Variants in PCAT7 observed in about 807,000 individuals in gnomAD.
The protein encoded by PCAT7 is prostate cancer associated transcript 7.
At chr9:94,556,202 G>C (rs1827010471) in intron 1 of PCAT7, among the ~76,000 whole-genome samples, 1 of 150,954 alleles carries the variant, frequency 6.6e-6, no homozygotes, top group South Asian at 2.1e-4. Context: ...TTTGGGAAAA[G>C]ACGGGGGAAA....
At chr9:94,565,364 A>C (rs9657694) in intron 2 of PCAT7, among the ~76,000 whole-genome samples, 17 of 117,118 alleles carry the variant, frequency 1.5e-4, no homozygotes, top group Non-Finnish European at 2.6e-4. Flanking sequence ...GCAAGACTCC[A>C]CCTCAAAAAA....
intron 2 of PCAT7, among the ~76,000 whole-genome samples, chr9:94,560,176 C>T (rs913058594): frequency 1.3e-5 from 2 of 152,092 alleles, no homozygotes; most frequent in African/African-American, 4.8e-5. Flanking sequence ...ACGAGGGGTC[C>T]CAGCCGAGGG....
chr9:94,564,842 A>G (rs985358612), intron 2 of PCAT7, among the ~76,000 whole-genome samples: 1 of 152,220 alleles, frequency 6.6e-6, no homozygotes. Flanking sequence ...TTACACCTGC[A>G]TCATAGGAAT....
chr9:94,567,561 T>G (rs1049130528), intron 2 of PCAT7: 4 of 794,578 alleles, frequency 5.0e-6, no homozygotes, highest in Non-Finnish European at 8.0e-6. Flanking sequence ...GGTGTTTTCA[T>G]GAGTGGTGGG....
intron 1 of PCAT7, among the ~76,000 whole-genome samples, chr9:94,556,045 G>C (rs1447731684): frequency 6.6e-6 from 1 of 151,282 alleles, no homozygotes; most frequent in Non-Finnish European, 1.5e-5. Context: ...AAAAGGCTTT[G>C]AGAAAAGATG....
At chr9:94,560,619 A>G (rs1039399742) in intron 2 of PCAT7, among the ~76,000 whole-genome samples, 2 of 151,606 alleles carry the variant, frequency 1.3e-5, no homozygotes, top group Non-Finnish European at 1.5e-5. Flanking sequence ...CTTTTCTTCC[A>G]GTCCGTTTTG....
intron 2 of PCAT7, chr9:94,568,823 G>C (rs1164728892): frequency 1.3e-5 from 2 of 151,992 alleles, no homozygotes; most frequent in African/African-American, 2.4e-5. Context: ...AAATGATTAA[G>C]GTAACTAGTC....
chr9:94,559,050 A>G (rs1564177739), exon 2 of PCAT7: 1 of 1,614,152 alleles, frequency 6.2e-7, no homozygotes, highest in Admixed American at 1.7e-5. Flanking sequence ...CACGTCCAGT[A>G]CAGGCTGGGT....
At chr9:94,567,808 C>T (rs1313821158) in intron 2 of PCAT7, 5 of 176,640 alleles carry the variant, frequency 2.8e-5, no homozygotes, top group East Asian at 1.4e-4. Flanking sequence ...GTTACATTGT[C>T]GTATGAGGGA....
intron 2 of PCAT7, among the ~76,000 whole-genome samples, chr9:94,564,177 T>C (rs1363428337): frequency 1.3e-5 from 2 of 152,162 alleles, no homozygotes; most frequent in East Asian, 1.9e-4. Context: ...CAGAAAAATA[T>C]ACATTCTTCT....
chr9:94,565,746 ATAG>A (rs1827177691), intron 2 of PCAT7, among the ~76,000 whole-genome samples: 1 of 137,458 alleles, frequency 7.3e-6, no homozygotes, highest in African/African-American at 2.7e-5. Context: ...TGATAGATAG[ATAG>A]ATAGAAAATA....
chr9:94,557,541 G>A (rs1377009336), intron 1 of PCAT7, among the ~76,000 whole-genome samples: 2 of 152,230 alleles, frequency 1.3e-5, no homozygotes, highest in Non-Finnish European at 2.9e-5. Flanking sequence ...ACGATGTTGC[G>A]TACAGAATGA....
At chr9:94,559,039 T>G in exon 2 of PCAT7, 1 of 1,614,140 alleles carries the variant, frequency 6.2e-7, no homozygotes, top group Non-Finnish European at 8.5e-7. Context: ...GCCTCGGGCT[T>G]CACGTCCAGT....
chr9:94,558,753 A>G (rs962733108), intron 1 of PCAT7: 1 of 596,512 alleles, frequency 1.7e-6, no homozygotes, highest in African/African-American at 1.9e-5. Context: ...CTAGTCCTTC[A>G]CATTGACCAT....
chr9:94,555,709 G>A (rs1241887232), intron 1 of PCAT7, among the ~76,000 whole-genome samples: 3 of 151,492 alleles, frequency 2.0e-5, no homozygotes, highest in Non-Finnish European at 4.4e-5. Context: ...GGTAACCAGC[G>A]GGAGGAAGAC....
chr9:94,566,503 C>G (rs10117289), intron 2 of PCAT7, among the ~76,000 whole-genome samples: 6,203 of 152,250 alleles, frequency 0.041, 417 homozygotes, highest in African/African-American at 0.14. Flanking sequence ...TTTAGTTAAT[C>G]GAATATCTAT....
In PCAT7 at chr9:94,572,721, CAT is replaced by C. The variant is rs547877262; in HGVS notation, n.442-257_442-256del. Among the ~76,000 whole-genome samples the C allele has an allele frequency of 2.5e-3, 382 of 152,276 alleles. 2 individuals carry two copies. Among genetic ancestry groups the C allele is most frequent in the African/African-American group, 8.4e-3 (348 of 41,572 alleles). On this transcript the variant is annotated intron_variant and non_coding_transcript_variant, in intron 2 of 8. Transcript: ENST00000647389. Reference sequence around the variant, plus strand: ...AATTCACACACACACACAACACACACATGAGTTTACACACACACATATATACA... The same window carrying C: ...AATTCACACACACACACAACACACACGAGTTTACACACACACATATATACA...
intron 2 of PCAT7, among the ~76,000 whole-genome samples, chr9:94,572,522 C>T (rs773748171): frequency 3.3e-5 from 5 of 152,182 alleles, no homozygotes; most frequent in Non-Finnish European, 7.3e-5. Flanking sequence ...CAGCGCTTGA[C>T]GCCATGAGCA....
At chr9:94,559,074 A>G in exon 2 of PCAT7, 2 of 1,614,098 alleles carry the variant, frequency 1.2e-6, no homozygotes, top group Non-Finnish European at 1.7e-6. Flanking sequence ...CGTGGTCGCC[A>G]AGCCTCCTGC....
Sources: gnomAD v4.1 joint callset for allele counts (sites outside exome capture counted in the v4.1 genomes callset) on GRCh38, gnomAD v4.1.1 for gene constraint, MANE v1.5 for transcripts, NCBI Gene and HGNC (gene_info 2026-07-23, HGNC 2026-07-21) for gene names.